The following UNC80 variants were observed in gnomAD, a reference collection of about 807,000 sequenced individuals.
UNC80 encodes the protein unc-80 subunit of NALCN channel complex.
Under a neutral mutation model 384.6 loss-of-function variants are expected in UNC80, and 164 were observed. That is an observed-to-expected ratio of 0.43 (90% CI 0.38 to 0.49). UNC80 has a LOEUF of 0.49. Among genes scored for constraint, UNC80 ranks in the 20% least tolerant of loss-of-function variants. The pLI, the probability that UNC80 is intolerant of heterozygous loss-of-function variation, is 0.00. For missense variants in UNC80, 3,330 were observed against 4,143.0 expected, an observed-to-expected ratio of 0.80 and a Z score of 5.39; for synonymous variants, 1,486 against 1,527.8, an observed-to-expected ratio of 0.97 and a Z score of 0.64.
rs757956486 is a variant in UNC80 at position 209,933,814 on chromosome 2, A to C, written c.5995-8A>C. The C allele has an allele frequency of 1.3e-6, 2 of 1,546,490 alleles. No homozygotes were observed. Among genetic ancestry groups the C allele is most frequent in the South Asian group, 2.4e-5 (2 of 83,308 alleles). The stretch of plus-strand genomic sequence containing the variant: ...AGCTTTGTGAACTCTTCTTATACTG[A>C]CTTCTAGGTAGGATTAATCATGTAC... On this transcript the variant is annotated splice_polypyrimidine_tract_variant and splice_region_variant and intron_variant, in intron 38 of 64. Coordinates refer to ENST00000673920, the MANE Select transcript of UNC80 (RefSeq NM_001371986.1).
chr2:209,900,713 C>T (rs2087301321), intron 28 of UNC80, among the ~76,000 whole-genome samples: 1 of 152,182 alleles, frequency 6.6e-6, no homozygotes, highest in Non-Finnish European at 1.5e-5. Context: ...AAAGTTAGGC[C>T]TCTTGTACCA....
intron 13 of UNC80, among the ~76,000 whole-genome samples, chr2:209,822,669 A>G (rs1331712322): frequency 6.6e-6 from 1 of 152,180 alleles, no homozygotes; most frequent in Non-Finnish European, 1.5e-5. Flanking sequence ...GAGGTTTATA[A>G]TTAGTGTTTT....
intron 46 of UNC80, 114 bp from the exon 47 acceptor site, chr2:209,945,733 T>G: frequency 1.6e-6 from 1 of 636,932 alleles, no homozygotes; most frequent in South Asian, 2.4e-5. Context: ...GAATAAAATT[T>G]AACAAGAAAA....
intron 38 of UNC80, among the ~76,000 whole-genome samples, chr2:209,933,321 A>C (rs764059726): frequency 2.6e-4 from 39 of 152,270 alleles, no homozygotes; most frequent in Non-Finnish European, 4.9e-4. Flanking sequence ...GGTTTGTCAC[A>C]ACAAACCTCA....
chr2:209,901,789 C>T (rs1022186320), intron 28 of UNC80, among the ~76,000 whole-genome samples: 56 of 152,016 alleles, frequency 3.7e-4, no homozygotes, highest in Non-Finnish European at 1.3e-4. Flanking sequence ...ATTAGCCGGG[C>T]GTGGTGACGG....
chr2:209,895,790 A>G (rs2086745528), intron 27 of UNC80, among the ~76,000 whole-genome samples: 1 of 152,230 alleles, frequency 6.6e-6, no homozygotes, highest in South Asian at 2.1e-4. Context: ...GGCTGTCCAC[A>G]GTTGGACATA....
In UNC80 at chr2:209,897,985, A is replaced by G. The variant is rs139722429; in HGVS notation, c.4581+1572A>G. Among the ~76,000 whole-genome samples, 12 of 152,274 alleles carry G rather than the reference A, an allele frequency of 7.9e-5. No individual in the cohort carries two copies. The East Asian group carries it at 2.3e-3, about 29-fold the overall frequency. ...TTTTGCTAAGATTTTTTCATTTAAT[A>G]TCAATATTCAAATTTATCAGCAAAA... On this transcript the variant is annotated intron_variant, in intron 28 of 64. Transcript: ENST00000673920.
chr2:209,862,826 A>G (rs546519261), intron 22 of UNC80, among the ~76,000 whole-genome samples: 1 of 151,950 alleles, frequency 6.6e-6, no homozygotes, highest in South Asian at 2.1e-4. Flanking sequence ...CCTTTAGCCC[A>G]TTTACCTTTA....
At chr2:209,931,364 AACACACAC>A (rs61386739) in intron 38 of UNC80, among the ~76,000 whole-genome samples, 4,045 of 125,532 alleles carry the variant, frequency 0.032, 143 homozygotes, top group Admixed American at 0.1. Context: ...TCTATGTTTA[AACACACAC>A]ACACACACAC....
intron 54 of UNC80, 54 bp downstream of exon 54, chr2:209,971,011 AG>A: frequency 1.3e-6 from 2 of 1,524,844 alleles, no homozygotes; most frequent in Non-Finnish European, 1.8e-6. Flanking sequence ...TTGAGGCACC[AG>A]ATCATGGTGT....
chr2:209,925,823 C>CA (rs1385100413), intron 35 of UNC80, among the ~76,000 whole-genome samples: 1 of 152,150 alleles, frequency 6.6e-6, no homozygotes, highest in Non-Finnish European at 1.5e-5. Context: ...CTTCACCTCT[C>CA]AAAGCCCAGA....
chr2:209,943,335 A>T, intron 44 of UNC80, 45 bp from the exon 45 acceptor site: 1 of 1,548,428 alleles, frequency 6.5e-7, no homozygotes, highest in Non-Finnish European at 8.7e-7. Context: ...TACAACTTTG[A>T]TACTTCATTA....
In UNC80 at chr2:209,864,773, G is replaced by A. The variant is rs1250113570; in HGVS notation, c.3628-7985G>A. Reference sequence around the variant, plus strand: ...ATGGGTGCCACCCTTCCCCTGCCCAGGGAGCTTAGCATGTTAGGTCATTGC... The same window carrying A: ...ATGGGTGCCACCCTTCCCCTGCCCAAGGAGCTTAGCATGTTAGGTCATTGC... On this transcript the variant is annotated intron_variant, in intron 22 of 64. Coordinates refer to ENST00000673920, the MANE Select transcript of UNC80 (RefSeq NM_001371986.1). 3.3e-5 allele frequency among the ~76,000 whole-genome samples: 5 copies of A among 152,214 alleles called. No homozygotes were observed. The South Asian group carries it at 6.2e-4, about 19-fold the overall frequency.
chr2:209,831,958 T>C (rs2081002294), intron 16 of UNC80, among the ~76,000 whole-genome samples: 1 of 152,236 alleles, frequency 6.6e-6, no homozygotes, highest in Admixed American at 6.5e-5. Context: ...CCATATTTAC[T>C]TTAAAAATTA....
intron 48 of UNC80, among the ~76,000 whole-genome samples, chr2:209,955,241 G>A (rs1438730183): frequency 1.3e-5 from 2 of 152,074 alleles, no homozygotes; most frequent in Non-Finnish European, 2.9e-5. Flanking sequence ...AACTCCCCCA[G>A]CCCCATCTTG....
chr2:209,849,484 A>G lies in UNC80; in HGVS notation c.3488A>G (p.Asn1163Ser), dbSNP rs1451191574. 6.4e-7 allele frequency: 1 copy of G among 1,550,924 alleles called. No homozygotes were observed. ...AGTTTTGATGATCATCTCTCTCCCA[A>G]CCAAGATGGTGGAAAAAGCAAAAAC... The part of the protein sequence containing the change: ...CHSFDDHLSP[N>S]QDGGKSKNVV... Residue 1163 changes from asparagine to serine, a missense_variant, in exon 22 of 65, where the codon AAC (asparagine) becomes AGC (serine). Physicochemically the swap from Asn to Ser is conservative, Grantham distance 46. Around this residue, in one of 8 missense-constraint regions of UNC80, gnomAD observed 801 missense variants for 950.8 expected, o/e 0.84. Coordinates refer to ENST00000673920, the MANE Select transcript of UNC80 (RefSeq NM_001371986.1).
intron 3 of UNC80, among the ~76,000 whole-genome samples, chr2:209,776,536 G>A (rs1049221638): frequency 4.4e-4 from 67 of 152,196 alleles, no homozygotes; most frequent in Admixed American, 4.3e-3. Context: ...AGCTGGGATC[G>A]CACCACTGCA....
intron 61 of UNC80, 48 bp from the exon 62 acceptor site, chr2:209,992,118 T>TC: frequency 6.8e-7 from 1 of 1,469,518 alleles, no homozygotes; most frequent in South Asian, 1.2e-5. Context: ...CAGAGGACAG[T>TC]CTCCTGTACT....
At chr2:209,853,240 G>A (rs1164669143) in intron 22 of UNC80, among the ~76,000 whole-genome samples, 1 of 151,942 alleles carries the variant, frequency 6.6e-6, no homozygotes, top group Non-Finnish European at 1.5e-5. Context: ...TTTAAGTGCA[G>A]CTTAAATACA....
Sources: gnomAD v4.1 joint callset for allele counts (sites outside exome capture counted in the v4.1 genomes callset) on GRCh38, gnomAD v4.1.1 for gene constraint, gnomAD v4.1.1 regional missense constraint, MANE v1.5 for transcripts, NCBI Gene and HGNC (gene_info 2026-07-23, HGNC 2026-07-21) for gene names.